Variants in CACNG3 observed in about 807,000 individuals in gnomAD.
CACNG3 encodes voltage-dependent calcium channel gamma-3 subunit.
A neutral mutation model predicts 28.5 loss-of-function variants in CACNG3; 3 were observed. The observed-to-expected ratio is 0.11, with a 90% confidence interval of 0.05 to 0.27. The LOEUF is 0.27. Among genes scored for constraint, CACNG3 ranks in the 10% least tolerant of loss-of-function variants. The pLI is 1.00. For missense variants in CACNG3, 236 were observed against 414.4 expected, an observed-to-expected ratio of 0.57 and a Z score of 3.74; for synonymous variants, 174 against 162.2, an observed-to-expected ratio of 1.07 and a Z score of -0.55.
intron 1 of CACNG3, among the ~76,000 whole-genome samples, chr16:24,280,896 A>G (rs147563802): frequency 1.8e-4 from 27 of 151,460 alleles, no homozygotes; most frequent in Middle Eastern, 6.8e-3. Flanking sequence ...CTGAGGTCAC[A>G]ATAGAACAAT....
rs752294823 is a variant in CACNG3, at chr16:24,256,997, T to A, written c.211+32T>A. ...ACAATTTCCTCTCAATAGCTCTGAATAATCCAGTTCTGATATTCTGGTGGG... is the reference window on the plus strand; with the variant it reads ...ACAATTTCCTCTCAATAGCTCTGAAAAATCCAGTTCTGATATTCTGGTGGG... On this transcript the variant is annotated intron_variant, in intron 1 of 3. Coordinates refer to ENST00000005284, the MANE Select transcript of CACNG3 (RefSeq NM_006539.4). The surrounding 1 kb of genome is among the most constrained non-coding windows in gnomAD (Gnocchi z 4.6). 1.5e-6 allele frequency: 2 copies of A among 1,331,524 alleles called. No individual in the cohort carries two copies. Among genetic ancestry groups the A allele is most frequent in the Admixed American group, 3.4e-5 (2 of 59,126 alleles). The allele number at this position is 1,331,524 out of a possible 1,614,324, so 82.5% of individuals were successfully genotyped here.
At chr16:24,299,912 A>T (rs1567213172) in intron 1 of CACNG3, among the ~76,000 whole-genome samples, 1 of 152,000 alleles carries the variant, frequency 6.6e-6, no homozygotes, top group Non-Finnish European at 1.5e-5. Context: ...AGTTATCTGC[A>T]CATGCATGGA....
intron 3 of CACNG3, among the ~76,000 whole-genome samples, chr16:24,357,126 T>C (rs1329795887): frequency 1.3e-5 from 2 of 150,748 alleles, no homozygotes; most frequent in Non-Finnish European, 3.0e-5. Context: ...CACAGTTACT[T>C]GGGAGGCTGA....
At position 24,361,001 on chromosome 16, in the gene CACNG3, G is replaced by A. The variant is rs553387451; in HGVS notation, c.437-351G>A. On this transcript the variant is annotated intron_variant, in intron 3 of 3. Coordinates refer to ENST00000005284, the MANE Select transcript of CACNG3 (RefSeq NM_006539.4). This position sits in a 1 kb window ranked among gnomAD's most constrained non-coding sequence, Gnocchi z 6.8. Reference sequence around the variant, plus strand: ...TGGTAAAGAATTCAAGGGCAGAGGCGTGTATCTTGTTCATTTTACAATCTT... The same window carrying A: ...TGGTAAAGAATTCAAGGGCAGAGGCATGTATCTTGTTCATTTTACAATCTT... Among the ~76,000 whole-genome samples the A allele has an allele frequency of 2.6e-5, 4 of 152,322 alleles. No individual in the cohort carries two copies. The highest frequency in any genetic ancestry group is 4.8e-5 in the African/African-American group (2 of 41,578).
intron 1 of CACNG3, among the ~76,000 whole-genome samples, chr16:24,326,642 A>T (rs1442035166): frequency 1.3e-5 from 2 of 152,216 alleles, no homozygotes; most frequent in African/African-American, 4.8e-5. Flanking sequence ...TGTAGCCAGG[A>T]GAATTTAGAA....
At chr16:24,343,897 G>T (rs1488563064) in intron 1 of CACNG3, among the ~76,000 whole-genome samples, 1 of 151,930 alleles carries the variant, frequency 6.6e-6, no homozygotes, top group African/African-American at 2.4e-5. Flanking sequence ...AGACCATCCT[G>T]GCTAACACAG....
At chr16:24,322,808 A>G (rs1021113087) in intron 1 of CACNG3, among the ~76,000 whole-genome samples, 15 of 152,126 alleles carry the variant, frequency 9.9e-5, no homozygotes, top group African/African-American at 3.6e-4. Context: ...ATATCTACCT[A>G]TTTTGCTATC....
At chr16:24,260,007 A>G (rs943222197) in intron 1 of CACNG3, among the ~76,000 whole-genome samples, 1 of 152,232 alleles carries the variant, frequency 6.6e-6, no homozygotes, top group Admixed American at 6.5e-5. Context: ...TAAAGCCAAC[A>G]TGTATTGGTA....
rs575945880 is a variant in CACNG3, at chr16:24,298,578, C to G, written c.211+41613C>G. ...TAAGAGTTCCTGCCCACATCCAGTT[C>G]CCCCATCGTTAAGATGTTACATGAA... On this transcript the variant is annotated intron_variant, in intron 1 of 3. Coordinates refer to ENST00000005284, the MANE Select transcript of CACNG3 (RefSeq NM_006539.4). Among the ~76,000 whole-genome samples, 101 of 152,300 alleles carry G rather than the reference C, an allele frequency of 6.6e-4. 3 individuals are homozygous for G. The highest frequency in any genetic ancestry group is 6.8e-3 in the Middle Eastern group (2 of 294).
At chr16:24,316,106 G>T (rs758756461) in intron 1 of CACNG3, among the ~76,000 whole-genome samples, 21 of 151,794 alleles carry the variant, frequency 1.4e-4, no homozygotes, top group Non-Finnish European at 2.2e-4. Context: ...AGGAAGCTGA[G>T]GTTCAGAGAG....
chr16:24,285,040 C>CA (rs1450910089), intron 1 of CACNG3, among the ~76,000 whole-genome samples: 1 of 151,574 alleles, frequency 6.6e-6, no homozygotes, highest in Non-Finnish European at 1.5e-5. Flanking sequence ...GAAAGACACT[C>CA]AGAGTGTGAC....
At chr16:24,265,441 GAAAGAA>G (rs771321700) in intron 1 of CACNG3, among the ~76,000 whole-genome samples, 8 of 14,518 alleles carry the variant, frequency 5.5e-4, no homozygotes, top group African/African-American at 1.4e-3. Context: ...GAGAGAGAGA[GAAAGAA>G]AAAGAAAGAA....
At chr16:24,353,489 G>A (rs1899986322) in intron 2 of CACNG3, among the ~76,000 whole-genome samples, 1 of 152,078 alleles carries the variant, frequency 6.6e-6, no homozygotes, top group Admixed American at 6.5e-5. Flanking sequence ...CAACCACATG[G>A]GGCCCCTCTC....
intron 2 of CACNG3, among the ~76,000 whole-genome samples, chr16:24,352,130 A>G (rs1290257758): frequency 2.6e-5 from 4 of 152,096 alleles, no homozygotes; most frequent in African/African-American, 9.7e-5. Flanking sequence ...ATAAGTTACC[A>G]AATTTTCAGA....
chr16:24,314,639 C>T (rs1445328957), intron 1 of CACNG3, among the ~76,000 whole-genome samples: 5 of 152,118 alleles, frequency 3.3e-5, no homozygotes, highest in African/African-American at 7.2e-5. Flanking sequence ...ACAACCCTCA[C>T]GGTATAGATA....
At chr16:24,277,562 G>A (rs187669930) in intron 1 of CACNG3, among the ~76,000 whole-genome samples, 1 of 152,086 alleles carries the variant, frequency 6.6e-6, no homozygotes, top group Admixed American at 6.5e-5. Flanking sequence ...ATCACTTGAG[G>A]TCAGGAGTTC....
intron 3 of CACNG3, among the ~76,000 whole-genome samples, chr16:24,356,695 C>T (rs1245992196): frequency 1.3e-5 from 2 of 152,102 alleles, no homozygotes; most frequent in African/African-American, 2.4e-5. Flanking sequence ...GAGCAAGACC[C>T]TGTCTCAAAA....
At chr16:24,293,057 A>C (rs148796087) in intron 1 of CACNG3, among the ~76,000 whole-genome samples, 39 of 152,312 alleles carry the variant, frequency 2.6e-4, no homozygotes, top group Admixed American at 1.8e-3. Flanking sequence ...CATCTGGATG[A>C]AGGTTTGTGT....
chr16:24,288,872 A>AAC (rs143449429), intron 1 of CACNG3, among the ~76,000 whole-genome samples: 6,418 of 148,692 alleles, frequency 0.043, 337 homozygotes, highest in African/African-American at 0.13. Flanking sequence ...GTGACACATA[A>AAC]ACACACACAC....
Sources: gnomAD v4.1 joint callset for allele counts (sites outside exome capture counted in the v4.1 genomes callset) on GRCh38, gnomAD v4.1.1 for gene constraint, Gnocchi (gnomAD v3.1) non-coding constraint, MANE v1.5 for transcripts, NCBI Gene and HGNC (gene_info 2026-07-23, HGNC 2026-07-21) for gene names.